Variants in CCBE1 observed in about 807,000 individuals in gnomAD.
CCBE1 encodes collagen and calcium binding EGF domains 1.
CCBE1 carries 37 observed loss-of-function variants against 50.0 expected under a neutral mutation model. The observed-to-expected ratio is 0.74, with a 90% CI of 0.57 to 0.97. The LOEUF (loss-of-function observed/expected upper bound fraction) is 0.97, where lower values mean the gene tolerates loss of function less well. Among genes scored for constraint, CCBE1 ranks in the 50% least tolerant of loss-of-function variants. CCBE1 has a pLI of 0.00. For synonymous variants in CCBE1, 234 were observed against 203.7 expected (o/e 1.15, Z -1.27); for missense variants, 538 against 523.8 (o/e 1.03, Z -0.26).
At chr18:59,599,533 A>G (rs2053402421) in intron 2 of CCBE1, among the ~76,000 whole-genome samples, 2 of 152,214 alleles carry the variant, frequency 1.3e-5, no homozygotes, top group South Asian at 2.1e-4. Context: ...GAATTCATTA[A>G]TATGGCTCAC....
intron 2 of CCBE1, among the ~76,000 whole-genome samples, chr18:59,578,922 CAT>C (rs1359061295): frequency 3.3e-5 from 5 of 152,092 alleles, no homozygotes; most frequent in African/African-American, 1.2e-4. Context: ...ACATTCTGCA[CAT>C]GTATCCCAGG....
chr18:59,469,506 T>G lies in CCBE1; in HGVS notation c.367A>C (p.Arg123=), dbSNP rs1363240046. ...TATGGCTTCTCCCGCTTCCGGTGTC[T>G]CTCCCGGTCATATCGGTATCCCGGA... The part of the protein sequence containing the change: ...CYPGYRYDRE[R]HRKREKPYCL... Residue 123 remains arginine, a synonymous_variant, in exon 4 of 11, where the codon AGA becomes CGA. Coordinates refer to ENST00000439986, the MANE Select transcript of CCBE1 (RefSeq NM_133459.4). 6.2e-7 allele frequency: 1 copy of G among 1,614,028 alleles called. No homozygotes were observed. Among genetic ancestry groups the G allele is most frequent in the African/African-American group, 1.3e-5 (1 of 74,908 alleles).
Position 59,610,875 on chromosome 18 carries a change from G to A in CCBE1, c.212+85754C>T, listed in dbSNP as rs375179498. On this transcript the variant is annotated intron_variant, in intron 2 of 10. Coordinates refer to ENST00000439986, the MANE Select transcript of CCBE1 (RefSeq NM_133459.4). ...CACCAGCGCCCCTGGGGATTCACAG[G>A]CTGCCAACAGCAAAAGGGCAAGGGT... Among the ~76,000 whole-genome samples the A allele has an allele frequency of 2.9e-4, 44 of 152,366 alleles. No individual in the cohort carries two copies. The East Asian group carries it at 7.5e-3, about 26-fold the overall frequency.
At position 59,466,830 on chromosome 18, in the gene CCBE1, C is replaced by G. The variant is rs1378898663; in HGVS notation, c.462G>C (p.Leu154Phe). The G allele has an allele frequency of 6.2e-7, 1 of 1,613,388 alleles. No individual in the cohort carries two copies. Among genetic ancestry groups the G allele is most frequent in the African/African-American group, 1.3e-5 (1 of 74,922 alleles). Residue 154 changes from leucine (L) to phenylalanine (F), a missense_variant, in exon 5 of 11, where the codon TTG (leucine) becomes TTC (phenylalanine). Physicochemically the swap from Leu to Phe is conservative, Grantham distance 22 (BLOSUM62 0). Transcript: ENST00000439986. ...CCCGGCACTCGCAGCGGTAGCTGCC[C>G]AAGGTATTGATGCAGATGTGGGCAC... ...TLCAHICINTLGSYRCECREG... is the reference protein window; with the variant it reads ...TLCAHICINTFGSYRCECREG...
In CCBE1 at chr18:59,679,400, G is replaced by A. The variant is rs146294619; in HGVS notation, c.212+17229C>T. Among the ~76,000 whole-genome samples the A allele has an allele frequency of 6.2e-4, 94 of 152,190 alleles. 1 individual carries two copies. Among genetic ancestry groups the A allele is most frequent in the African/African-American group, 2.0e-3 (85 of 41,538 alleles). On this transcript the variant is annotated intron_variant, in intron 2 of 10. Transcript: ENST00000439986. ...TTTTCTGTGTGATAATGACAATTCCGGTAACATATGAACACCCTACATTTT... is the reference window on the plus strand; with the variant it reads ...TTTTCTGTGTGATAATGACAATTCCAGTAACATATGAACACCCTACATTTT...
intron 2 of CCBE1, among the ~76,000 whole-genome samples, chr18:59,618,919 G>T (rs949091308): frequency 4.6e-5 from 7 of 152,130 alleles, no homozygotes; most frequent in Admixed American, 4.6e-4. Context: ...AGTGGAGAGA[G>T]AATATCTGCT....
intron 2 of CCBE1, among the ~76,000 whole-genome samples, chr18:59,481,619 G>A (rs140711855): frequency 3.3e-5 from 5 of 152,204 alleles, no homozygotes; most frequent in African/African-American, 9.6e-5. Flanking sequence ...TAATAACCAC[G>A]AACCTCTCAT....
At chr18:59,675,368 G>C (rs1006528063) in intron 2 of CCBE1, among the ~76,000 whole-genome samples, 5 of 152,084 alleles carry the variant, frequency 3.3e-5, no homozygotes, top group African/African-American at 1.2e-4. Flanking sequence ...GTCAATAATT[G>C]GTTGCAGACT....
intron 2 of CCBE1, among the ~76,000 whole-genome samples, chr18:59,566,299 C>T (rs1368836829): frequency 1.3e-5 from 2 of 152,200 alleles, no homozygotes; most frequent in Non-Finnish European, 2.9e-5. Context: ...GGGTCAGTCA[C>T]TTGTCTCTTG....
intron 2 of CCBE1, among the ~76,000 whole-genome samples, chr18:59,618,429 T>C (rs1171578409): frequency 2.0e-5 from 3 of 150,892 alleles, no homozygotes; most frequent in Admixed American, 1.3e-4. Flanking sequence ...ATATCCTCCT[T>C]AGAAAAGTTT....
intron 2 of CCBE1, among the ~76,000 whole-genome samples, chr18:59,550,998 C>CAAAAAAAAAAAAAAAAAAAAA (rs555160847): frequency 1.1e-4 from 8 of 71,374 alleles, no homozygotes; most frequent in Non-Finnish European, 1.5e-4. Context: ...CAGCGAGACT[C>CAAAAAAAAAAAAAAAAAAAAA]AAAAAAAAAA....
intron 2 of CCBE1, among the ~76,000 whole-genome samples, chr18:59,587,611 G>A (rs1232684949): frequency 1.3e-5 from 2 of 152,130 alleles, no homozygotes; most frequent in Admixed American, 1.3e-4. Context: ...AGGCTTTTTG[G>A]AGTAGCTGTC....
intron 2 of CCBE1, among the ~76,000 whole-genome samples, chr18:59,691,055 G>A (rs565162881): frequency 6.6e-6 from 1 of 152,368 alleles, no homozygotes; most frequent in South Asian, 2.1e-4. Flanking sequence ...TTTTAGAAGA[G>A]TCTTCCTAGC....
chr18:59,650,413 C>T (rs1448038004), intron 2 of CCBE1, among the ~76,000 whole-genome samples: 2 of 151,074 alleles, frequency 1.3e-5, no homozygotes, highest in East Asian at 2.0e-4. Context: ...GACATTTAGC[C>T]TCCTGTTCCC....
chr18:59,494,219 G>A lies in CCBE1; in HGVS notation c.213-13981C>T, dbSNP rs188343805. ...AAATACATAGGTTGGAGTTGCCTCT[G>A]CCCTAGAAAGATATACATAAGGGGC... is the stretch of plus-strand genomic sequence containing the variant. On this transcript the variant is annotated intron_variant, in intron 2 of 10. Transcript: ENST00000439986. Among the ~76,000 whole-genome samples, 904 of 152,272 alleles carry A rather than the reference G, an allele frequency of 5.9e-3. 25 individuals are homozygous for A. Among genetic ancestry groups the A allele is most frequent in the Non-Finnish European group, 3.6e-3 (247 of 68,020 alleles).
At chr18:59,549,494 A>G (rs151206452) in intron 2 of CCBE1, among the ~76,000 whole-genome samples, 220 of 152,324 alleles carry the variant, frequency 1.4e-3, no homozygotes, top group African/African-American at 5.1e-3. Context: ...CTGATTTTTA[A>G]AATAAACTCC....
At chr18:59,454,214 TTTCC>T (rs1568147332) in intron 6 of CCBE1, among the ~76,000 whole-genome samples, 1 of 152,172 alleles carries the variant, frequency 6.6e-6, no homozygotes, top group African/African-American at 2.4e-5. Flanking sequence ...ACATAGATTA[TTTCC>T]ATAATCTATG....
At chr18:59,545,747 T>C (rs540510603) in intron 2 of CCBE1, among the ~76,000 whole-genome samples, 1 of 152,186 alleles carries the variant, frequency 6.6e-6, no homozygotes, top group Non-Finnish European at 1.5e-5. Flanking sequence ...GTTCTCATGG[T>C]AGTGAATAAG....
At position 59,674,084 on chromosome 18, in the gene CCBE1, G is replaced by T. The variant is rs377053530; in HGVS notation, c.212+22545C>A. On this transcript the variant is annotated intron_variant, in intron 2 of 10. Coordinates refer to ENST00000439986, the MANE Select transcript of CCBE1 (RefSeq NM_133459.4). ...ATCCGTCTGGTCCCAGGCTCTTTTTGGTTGGTAGGCTATTAATTGCTGCCT... is the reference window on the plus strand; with the variant it reads ...ATCCGTCTGGTCCCAGGCTCTTTTTTGTTGGTAGGCTATTAATTGCTGCCT... Among the ~76,000 whole-genome samples the T allele has an allele frequency of 9.9e-4, 151 of 152,146 alleles. 2 individuals carry two copies. In the South Asian group the frequency reaches 0.021, roughly 21 times the overall value.
Sources: allele counts gnomAD v4.1 joint callset (sites outside exome capture counted in the v4.1 genomes callset), GRCh38; gene constraint gnomAD v4.1.1; transcripts MANE v1.5; gene names NCBI Gene and HGNC (gene_info 2026-07-23, HGNC 2026-07-21).